The following EEF2K variants were observed in gnomAD, a reference collection of about 807,000 sequenced individuals.
EEF2K encodes the protein alternative protein EEF2K.
In EEF2K, 70 loss-of-function variants were observed where a neutral mutation model predicts 93.8. The observed-to-expected ratio is 0.75, with a 90% CI of 0.62 to 0.91. EEF2K has a LOEUF of 0.91. Among genes scored for constraint, EEF2K ranks in the 40% least tolerant of loss-of-function variants. The pLI is 0.00. For synonymous variants in EEF2K, 376 were observed against 380.8 expected, an observed-to-expected ratio of 0.99 and a Z score of 0.15; for missense variants, 935 against 972.9, an observed-to-expected ratio of 0.96 and a Z score of 0.52.
rs771153416 is a variant in EEF2K, at chr16:22,263,091, G to C, written c.1300-19G>C. Reference sequence around the variant, plus strand: ...GCTCAGGGGACCACCAGGACCCTAAGGCCGTCTTCTCTCCACAGGAGTCTG... The same window carrying C: ...GCTCAGGGGACCACCAGGACCCTAACGCCGTCTTCTCTCCACAGGAGTCTG... On this transcript the variant is annotated intron_variant, in intron 11 of 17. Coordinates refer to ENST00000263026, the MANE Select transcript of EEF2K (RefSeq NM_013302.5). 11 of 1,608,992 alleles carry C rather than the reference G, an allele frequency of 6.8e-6. No individual in the cohort carries two copies. Among genetic ancestry groups the C allele is most frequent in the Non-Finnish European group, 9.3e-6 (11 of 1,177,698 alleles).
At chr16:22,259,406 T>C (rs1232695695) in intron 10 of EEF2K, among the ~76,000 whole-genome samples, 2 of 152,234 alleles carry the variant, frequency 1.3e-5, no homozygotes, top group African/African-American at 4.8e-5. Flanking sequence ...AAGATTTTAG[T>C]GTCAAACATT....
chr16:22,278,896 A>G (rs1247359133), intron 16 of EEF2K, among the ~76,000 whole-genome samples: 6 of 152,124 alleles, frequency 3.9e-5, no homozygotes, highest in African/African-American at 1.4e-4. Context: ...TGGAGACTCA[A>G]CTATTCTGGG....
chr16:22,268,638 GT>G (rs763972337), intron 15 of EEF2K, among the ~76,000 whole-genome samples: 9 of 140,504 alleles, frequency 6.4e-5, no homozygotes, highest in East Asian at 2.2e-4. Context: ...GACCAAAGAA[GT>G]TTTTTTTTTT....
chr16:22,280,985 G>C (rs2047688100), intron 17 of EEF2K, among the ~76,000 whole-genome samples: 1 of 151,358 alleles, frequency 6.6e-6, no homozygotes, highest in African/African-American at 2.4e-5. Context: ...TTGTAGCCCA[G>C]GCTGGAGTGG....
intron 2 of EEF2K, among the ~76,000 whole-genome samples, chr16:22,234,800 G>A (rs1299888515): frequency 1.3e-5 from 2 of 149,102 alleles, no homozygotes; most frequent in Admixed American, 6.8e-5. Flanking sequence ...TTTTCTGGAC[G>A]TTTTACATAA....
intron 10 of EEF2K, 145 bp from the exon 11 acceptor site, chr16:22,260,317 T>C (rs1315214089): frequency 1.3e-6 from 1 of 744,680 alleles, no homozygotes; most frequent in Non-Finnish European, 2.2e-6. Flanking sequence ...GCTGATAACA[T>C]TCTTCTCCTT....
intron 15 of EEF2K, among the ~76,000 whole-genome samples, chr16:22,270,872 G>A (rs1392529588): frequency 2.6e-5 from 4 of 151,804 alleles, no homozygotes; most frequent in African/African-American, 9.7e-5. Flanking sequence ...TTGGAAGAGA[G>A]GATTTTTCAC....
At position 22,257,258 on chromosome 16, in the gene EEF2K, C is replaced by G; in HGVS notation, c.774C>G (p.Phe258Leu). 1 of 1,614,192 alleles carries G rather than the reference C, an allele frequency of 6.2e-7. No individual in the cohort carries two copies. Among genetic ancestry groups the G allele is most frequent in the Non-Finnish European group, 8.5e-7 (1 of 1,180,040 alleles). ...TTCCTTCCTGTCCCCTGTAGGCCTTCAGCCACTTCACTTTTGAGCGTTCCG... is the reference window on the plus strand; with the variant it reads ...TTCCTTCCTGTCCCCTGTAGGCCTTGAGCCACTTCACTTTTGAGCGTTCCG... Reference protein sequence around the residue: ...DDNIRLTPQAFSHFTFERSGH... With the variant: ...DDNIRLTPQALSHFTFERSGH... Residue 258 changes from phenylalanine (F) to leucine (L), a missense_variant, in exon 8 of 18, where the codon TTC (phenylalanine) becomes TTG (leucine). Phe to Leu is a conservative substitution (Grantham distance 22). Transcript: ENST00000263026.
chr16:22,260,222 A>G (rs1371270284), intron 10 of EEF2K, among the ~76,000 whole-genome samples: 1 of 152,242 alleles, frequency 6.6e-6, no homozygotes, highest in African/African-American at 2.4e-5. Context: ...GGACACACAT[A>G]GGTGACACCA....
At chr16:22,257,814 G>A in intron 9 of EEF2K, 44 bp downstream of exon 9, 1 of 1,602,084 alleles carries the variant, frequency 6.2e-7, no homozygotes. Context: ...AGGCCCTTCT[G>A]CTACTTGCAA....
chr16:22,288,724 TTTC>T lies in EEF2K; in HGVS notation c.*4731_*4733del, dbSNP rs1275016169. 6.6e-6 allele frequency: 1 copy of T among 151,962 alleles called. No individual in the cohort carries two copies. Among genetic ancestry groups the T allele is most frequent in the African/African-American group, 2.4e-5 (1 of 41,316 alleles). 9.4% of individuals were successfully genotyped at this position (151,962 alleles called of 1,614,324 possible). A position where few individuals can be genotyped will look rare whatever the true frequency, so the allele number is the denominator to read the frequency against. ...CATTTTCTCTTTACAAATAAAGTGT[TTTC>T]TTTCTTTTCTGTCTCAGACTCAAAT... On this transcript the variant is annotated 3_prime_UTR_variant, in exon 18 of 18. Coordinates refer to ENST00000263026, the MANE Select transcript of EEF2K (RefSeq NM_013302.5).
intron 2 of EEF2K, among the ~76,000 whole-genome samples, chr16:22,226,683 T>C (rs1333816272): frequency 6.6e-6 from 1 of 151,980 alleles, no homozygotes; most frequent in Non-Finnish European, 1.5e-5. Context: ...ACCCGGCTCA[T>C]TAAAAAAATT....
chr16:22,257,452 G>T, intron 8 of EEF2K, 67 bp downstream of exon 8: 1 of 1,587,750 alleles, frequency 6.3e-7, no homozygotes. Context: ...TGAGTTCTTC[G>T]TACAGCCAAG....
At chr16:22,247,469 C>T (rs995722117) in intron 3 of EEF2K, among the ~76,000 whole-genome samples, 2 of 151,002 alleles carry the variant, frequency 1.3e-5, no homozygotes, top group Admixed American at 1.3e-4. Context: ...AATTCTCTAA[C>T]CTTACATGAA....
chr16:22,280,654 CCTTT>C (rs1322727100), intron 17 of EEF2K, among the ~76,000 whole-genome samples: 3 of 149,528 alleles, frequency 2.0e-5, no homozygotes, highest in South Asian at 4.2e-4. Context: ...GTTTTCCTTT[CCTTT>C]CTTTCTTTTT....
At chr16:22,277,444 GATAAA>G (rs538110563) in intron 16 of EEF2K, among the ~76,000 whole-genome samples, 257 of 152,242 alleles carry the variant, frequency 1.7e-3, no homozygotes, top group African/African-American at 6.0e-3. Context: ...TTTTTAATAA[GATAAA>G]ATAAAGTCAA....
chr16:22,272,009 C>T (rs141772856), intron 15 of EEF2K, among the ~76,000 whole-genome samples: 4 of 152,200 alleles, frequency 2.6e-5, no homozygotes, highest in Non-Finnish European at 5.9e-5. Context: ...TTGCTGTACT[C>T]GTCACAATAG....
intron 16 of EEF2K, among the ~76,000 whole-genome samples, chr16:22,274,189 T>A (rs1439141078): frequency 6.6e-6 from 1 of 152,078 alleles, no homozygotes; most frequent in Non-Finnish European, 1.5e-5. Context: ...ACGCATGTAA[T>A]CTTAGCACTT....
Position 22,257,726 on chromosome 16 carries a change from T to A in EEF2K, c.985T>A (p.Ser329Thr), listed in dbSNP as rs1488816805. Residue 329 changes from serine to threonine, a missense_variant, in exon 9 of 18, where the codon TCG becomes ACG. Transcript: ENST00000263026. ...CATGGGCCTTGCTCCCTTTGACCTC[T>A]CGCCCCGGGAGAGGGATGCAGTGAA... is the stretch of plus-strand genomic sequence containing the variant. ...ESMGLAPFDL[S>T]PRERDAVNQN... 7 of 1,614,014 alleles carry A rather than the reference T, an allele frequency of 4.3e-6. No homozygotes were observed. Among genetic ancestry groups the A allele is most frequent in the Non-Finnish European group, 5.9e-6 (7 of 1,180,040 alleles).
Sources: allele counts gnomAD v4.1 joint callset (sites outside exome capture counted in the v4.1 genomes callset), GRCh38; gene constraint gnomAD v4.1.1; transcripts MANE v1.5; gene names NCBI Gene and HGNC (gene_info 2026-07-23, HGNC 2026-07-21).